The following SRPRA variants were observed in gnomAD, a reference collection of about 807,000 sequenced individuals.
SRPRA encodes signal recognition particle receptor subunit alpha.
SRPRA carries 30 observed loss-of-function variants against 61.1 expected under a neutral mutation model. That is an observed-to-expected ratio of 0.49 (90% confidence interval 0.37 to 0.67). The LOEUF (loss-of-function observed/expected upper bound fraction) is 0.67, where lower values mean the gene tolerates loss of function less well. Ranked by LOEUF, SRPRA falls within the 30% of genes least tolerant of loss-of-function variation. The pLI is 0.00. For missense variants in SRPRA, 759 were observed against 828.4 expected, an observed-to-expected ratio of 0.92 and a Z score of 1.03; for synonymous variants, 324 against 299.7, an observed-to-expected ratio of 1.08 and a Z score of -0.84.
chr11:126,238,388 CTATGTAGAGT>C, the SRPRA span, among the ~76,000 whole-genome samples: 3 of 152,186 alleles, frequency 2.0e-5, no homozygotes, highest in East Asian at 5.8e-4. Context: ...GTCCCAGACT[CTATGTAGAGT>C]TAAGGAATTC....
chr11:126,254,023 C>T, the SRPRA span, among the ~76,000 whole-genome samples: 1 of 152,188 alleles, frequency 6.6e-6, no homozygotes, highest in Non-Finnish European at 1.5e-5. Flanking sequence ...TCATGCATGC[C>T]ACCAGTGCAA....
At position 126,263,102 on chromosome 11, in the gene SRPRA, G is replaced by C. The variant is rs1306210421; in HGVS notation, c.*814C>G. 1 of 152,652 alleles carries C rather than the reference G, an allele frequency of 6.6e-6. No homozygotes were observed. The highest frequency in any genetic ancestry group is 2.1e-4 in the South Asian group (1 of 4,834). The allele number at this position is 152,652 out of a possible 1,614,324, so 9.5% of individuals were successfully genotyped here. A position where few individuals can be genotyped will look rare whatever the true frequency, so the allele number is the denominator to read the frequency against. On this transcript the variant is annotated 3_prime_UTR_variant, in exon 14 of 14. Transcript: ENST00000332118. Reference sequence around the variant, plus strand: ...GCACTTGTCTACCAGGCACTGTAGAGGGGAGTGATGAGGAAAAGCCAGGAC... The same window carrying C: ...GCACTTGTCTACCAGGCACTGTAGACGGGAGTGATGAGGAAAAGCCAGGAC...
chr11:126,243,408 GA>G, the SRPRA span, among the ~76,000 whole-genome samples: 1 of 151,138 alleles, frequency 6.6e-6, no homozygotes. Flanking sequence ...AGACTCCACT[GA>G]GCTGTGATCG....
chr11:126,256,719 A>G, the SRPRA span: 120 of 1,614,230 alleles, frequency 7.4e-5, no homozygotes, highest in African/African-American at 1.3e-3. This position sits in a 1 kb window ranked among gnomAD's most constrained non-coding sequence, Gnocchi z 6.6. Flanking sequence ...GAGGAGACGT[A>G]GATGAGTTCA....
the SRPRA span, among the ~76,000 whole-genome samples, chr11:126,249,568 T>TA: frequency 6.6e-6 from 1 of 151,448 alleles, no homozygotes; most frequent in African/African-American, 2.4e-5. Flanking sequence ...CCGTCTCTAC[T>TA]AAAAATACAA....
chr11:126,258,542 C>T (rs141036645), downstream of SRPRA, among the ~76,000 whole-genome samples: 90 of 152,224 alleles, frequency 5.9e-4, no homozygotes, highest in African/African-American at 2.1e-3. Flanking sequence ...TTTGATGGAA[C>T]CAGACTTTTA....
the SRPRA span, among the ~76,000 whole-genome samples, chr11:126,247,867 ATAT>A: frequency 8.4e-6 from 1 of 119,240 alleles, no homozygotes; most frequent in South Asian, 2.8e-4. Flanking sequence ...CAAAAAAAAA[ATAT>A]ATATATATAT....
the SRPRA span, chr11:126,250,729 A>G: frequency 6.2e-7 from 1 of 1,606,584 alleles, no homozygotes; most frequent in African/African-American, 1.3e-5. The surrounding 1 kb of genome is among the most constrained non-coding windows in gnomAD (Gnocchi z 5.1). Flanking sequence ...ACTGATGAGA[A>G]AAAGGTAAAA....
chr11:126,238,240 T>G, the SRPRA span, among the ~76,000 whole-genome samples: 1 of 152,076 alleles, frequency 6.6e-6, no homozygotes, highest in African/African-American at 2.4e-5. Flanking sequence ...CACGTGCCTG[T>G]AATCCCAGCT....
the SRPRA span, among the ~76,000 whole-genome samples, chr11:126,251,797 C>T: frequency 2.0e-5 from 3 of 151,188 alleles, no homozygotes; most frequent in African/African-American, 7.3e-5. Context: ...ATTCTCCTGC[C>T]TCACCCTCCT....
intron 6 of SRPRA, 83 bp downstream of exon 6, chr11:126,266,393 T>C (rs1343015578): frequency 1.3e-6 from 2 of 1,591,844 alleles, no homozygotes; most frequent in Non-Finnish European, 8.6e-7. Flanking sequence ...TTACCCCTCA[T>C]TCAAATCCCA....
chr11:126,247,706 A>C, the SRPRA span, among the ~76,000 whole-genome samples: 1 of 151,784 alleles, frequency 6.6e-6, no homozygotes, highest in Non-Finnish European at 1.5e-5. Flanking sequence ...AAAACACAAA[A>C]AATTAGCCTG....
the SRPRA span, among the ~76,000 whole-genome samples, chr11:126,240,622 A>G: frequency 6.6e-6 from 1 of 152,148 alleles, no homozygotes; most frequent in African/African-American, 2.4e-5. Flanking sequence ...CACTGACACA[A>G]TATTCTGGTT....
Position 126,267,322 on chromosome 11 carries a change from T to C in SRPRA, c.379A>G (p.Ser127Gly), listed in dbSNP as rs1210120131. 1.2e-6 allele frequency: 2 copies of C among 1,613,874 alleles called. No homozygotes were observed. Among genetic ancestry groups the C allele is most frequent in the Admixed American group, 3.3e-5 (2 of 59,970 alleles). ...FLRLLREAEE[S>G]SKIRAPTTMK... is the part of the protein sequence containing the mutation. ...GTAGTGGGAGCACGGATCTTACTGC[T>C]CTCCTCTGCTTCACTAAACAAAAAG... The change falls in exon 4 of 14, where the codon AGC (serine) becomes GGC (glycine). Residue 127 changes from serine (S) to glycine (G), a missense_variant. Physicochemically the swap from Ser to Gly is moderately conservative, Grantham distance 56 (BLOSUM62 0). This residue lies in a region of SRPRA where 475 missense variants were observed against 462.5 expected (regional missense o/e 1.03). Transcript: ENST00000332118. The surrounding 1 kb of genome is among the most constrained non-coding windows in gnomAD (Gnocchi z 4.2).
rs766948752 is a variant in SRPRA at position 126,264,252 on chromosome 11, G to A, written c.1727C>T (p.Ala576Val). 11 of 1,614,090 alleles carry A rather than the reference G, an allele frequency of 6.8e-6. No homozygotes were observed. The East Asian group carries it at 2.5e-4, about 36-fold the overall frequency. ...GCCATCAATGAGCCGAGGTGTCTGA[G>A]CCATAGAATGGTCAGCCAAGGCTCT... ...FNRALADHSMAQTPRLIDGIV... is the reference protein window; with the variant it reads ...FNRALADHSMVQTPRLIDGIV... Residue 576 changes from alanine to valine, a missense_variant, in exon 13 of 14, where the codon GCT becomes GTT. Ala to Val is a moderately conservative substitution (Grantham distance 64). This residue lies in a region of SRPRA where 284 missense variants were observed against 365.9 expected (regional missense o/e 0.78). Transcript: ENST00000332118. This position sits in a 1 kb window ranked among gnomAD's most constrained non-coding sequence, Gnocchi z 5.0.
At chr11:126,262,346 T>A (rs1950718327), downstream of SRPRA, 32 of 471,018 alleles carry the variant, frequency 6.8e-5, no homozygotes, top group Middle Eastern at 4.0e-4. Context: ...AGTTCAAGAA[T>A]AAAAGCGACA....
chr11:126,267,175 C>A lies in SRPRA; in HGVS notation c.526G>T (p.Gly176Cys). Residue 176 changes from glycine to cysteine, a missense_variant and splice_region_variant, in exon 4 of 14, where the codon GGT becomes TGT. By Grantham distance (159) the Gly-to-Cys change is radical. Coordinates refer to ENST00000332118, the MANE Select transcript of SRPRA (RefSeq NM_003139.4). The surrounding 1 kb of genome is among the most constrained non-coding windows in gnomAD (Gnocchi z 4.2). ...NSKKKGAKKE[G>C]SDGPLATSKP... is the part of the protein sequence containing the mutation. ...GTATATCCAAAGAACTCAAACTTGC[C>A]TTCCTTCTTGGCCCCCTTTTTTTTG... 3 of 1,544,932 alleles carry A rather than the reference C, an allele frequency of 1.9e-6. No individual in the cohort carries two copies. The highest frequency in any genetic ancestry group is 1.7e-5 in the Admixed American group (1 of 59,142).
chr11:126,262,486 G>C (rs971070018), downstream of SRPRA: 8 of 319,360 alleles, frequency 2.5e-5, no homozygotes, highest in Non-Finnish European at 4.0e-5. Context: ...TGGATGCCAT[G>C]GAATCACTGT....
chr11:126,253,895 T>C, the SRPRA span, among the ~76,000 whole-genome samples: 2 of 152,292 alleles, frequency 1.3e-5, no homozygotes, highest in South Asian at 2.1e-4. The surrounding 1 kb of genome is among the most constrained non-coding windows in gnomAD (Gnocchi z 5.1). Context: ...TAGTATCCCA[T>C]TGGCTAAAAG....
Sources: allele counts gnomAD v4.1 joint callset (sites outside exome capture counted in the v4.1 genomes callset), GRCh38; gene constraint gnomAD v4.1.1; regional missense constraint gnomAD v4.1.1; non-coding constraint Gnocchi (gnomAD v3.1); transcripts MANE v1.5; gene names NCBI Gene and HGNC (gene_info 2026-07-23, HGNC 2026-07-21).